Variants in WDR75 observed in about 807,000 individuals in gnomAD.
WDR75 encodes the protein WD repeat domain 75.
A neutral mutation model predicts 106.1 loss-of-function variants in WDR75; 52 were observed. That is an observed-to-expected ratio of 0.49 (90% CI 0.39 to 0.62). WDR75 has a LOEUF of 0.62. WDR75 is among the 20% of genes least tolerant of loss of function. The pLI is 0.00. For synonymous variants in WDR75, 333 were observed against 335.5 expected, an observed-to-expected ratio of 0.99 and a Z score of 0.08; for missense variants, 905 against 970.3, an observed-to-expected ratio of 0.93 and a Z score of 0.89.
intron 19 of WDR75, 82 bp from the exon 20 acceptor site, chr2:189,474,635 G>A: frequency 8.3e-7 from 1 of 1,202,086 alleles, no homozygotes; most frequent in Non-Finnish European, 1.2e-6. Flanking sequence ...CAATAAAAGG[G>A]ACTCCGTGAG....
At position 189,458,851 on chromosome 2, in the gene WDR75, T is replaced by C. The variant is rs368856476; in HGVS notation, c.668T>C (p.Met223Thr). The C allele has an allele frequency of 1.7e-5, 28 of 1,603,036 alleles. 1 individual carries two copies. In the African/African-American group the frequency reaches 3.2e-4, roughly 18 times the overall value. The stretch of plus-strand genomic sequence containing the variant: ...GAAGACTGCATCGCATCTGGTCACA[T>C]GGATGGCAAAATTCGTCTTTGGTCA... ...PTEDCIASGH[M>T]DGKIRLWRNF... The change falls in exon 7 of 21, where the codon ATG (methionine) becomes ACG (threonine). Residue 223 changes from methionine to threonine, a missense_variant. Transcript: ENST00000314761.
At chr2:189,467,408 T>C in intron 13 of WDR75, 60 bp from the exon 14 acceptor site, 1 of 1,500,016 alleles carries the variant, frequency 6.7e-7, no homozygotes, top group Admixed American at 2.2e-5. Context: ...TAGGGGGAAC[T>C]ACTGTAGCAT....
rs138326900 is a variant in WDR75, at chr2:189,475,223, A to G, written c.2299A>G (p.Ile767Val). ...CTGTTATTGTTAAAGTGCTAAGGAA[A>G]TTCCTGAAGATGTAGATATGGAAGA... is the stretch of plus-strand genomic sequence containing the variant. ...LSKETKSAKE[I>V]PEDVDMEEEK... Residue 767 changes from isoleucine to valine, a missense_variant, in exon 21 of 21, where the codon ATT becomes GTT. Ile to Val is a conservative substitution (Grantham distance 29, BLOSUM62 3). Transcript: ENST00000314761. The G allele has an allele frequency of 7.0e-5, 112 of 1,607,376 alleles. No homozygotes were observed. The African/African-American group carries it at 1.4e-3, about 21-fold the overall frequency.
rs553359865 is a variant in WDR75, at chr2:189,474,866, T to G, written c.2288+58T>G. ...CTCTTTTGGGAAACAGGATCGTTTG[T>G]GTTTATCCTTTTTTAGAGTATTCTT... On this transcript the variant is annotated intron_variant, in intron 20 of 20. Transcript: ENST00000314761. 40 of 1,379,084 alleles carry G rather than the reference T, an allele frequency of 2.9e-5. No homozygotes were observed. In the African/African-American group the frequency reaches 5.7e-4, roughly 20 times the overall value. 85.4% of individuals were successfully genotyped at this position (1,379,084 alleles called of 1,614,324 possible). A position where few individuals can be genotyped will look rare whatever the true frequency, so the allele number is the denominator to read the frequency against.
intron 12 of WDR75, 47 bp from the exon 13 acceptor site, chr2:189,466,378 C>T (rs757260312): frequency 1.9e-6 from 3 of 1,592,066 alleles, no homozygotes. Context: ...TTATATACAT[C>T]ACTTTGTCCT....
chr2:189,444,599 C>T (rs1214829145), intron 1 of WDR75, among the ~76,000 whole-genome samples: 2 of 152,200 alleles, frequency 1.3e-5, no homozygotes, highest in Non-Finnish European at 2.9e-5. Flanking sequence ...GTATTTTTCC[C>T]TTACAGATCA....
At chr2:189,459,486 A>G in intron 8 of WDR75, 62 bp downstream of exon 8, 1 of 1,456,830 alleles carries the variant, frequency 6.9e-7, no homozygotes, top group Non-Finnish European at 9.5e-7. Context: ...GTTTTAATTC[A>G]CTGTATTTTT....
chr2:189,473,855 T>TA (rs1367806339), intron 18 of WDR75, among the ~76,000 whole-genome samples: 7 of 152,224 alleles, frequency 4.6e-5, no homozygotes, highest in African/African-American at 1.7e-4. Context: ...TCCAACATGT[T>TA]ACTGTTAAGG....
chr2:189,453,187 G>T (rs1009840664), intron 4 of WDR75, among the ~76,000 whole-genome samples: 3 of 152,160 alleles, frequency 2.0e-5, no homozygotes, highest in African/African-American at 7.2e-5. Flanking sequence ...CACTCTTTTT[G>T]ATATTTAAGT....
In WDR75 at chr2:189,470,078, T is replaced by C; in HGVS notation, c.1822T>C (p.Phe608Leu). 1 of 1,610,044 alleles carries C rather than the reference T, an allele frequency of 6.2e-7. No homozygotes were observed. Among genetic ancestry groups the C allele is most frequent in the Non-Finnish European group, 8.5e-7 (1 of 1,178,414 alleles). ...GTTTCTTTGTTTTTTCCCTCTAGTG[T>C]TTGTATTTAAACCTAGTGAGCCAAG... is the stretch of plus-strand genomic sequence containing the variant. ...ISQSSVGSDL[F>L]VFKPSEPRPL... is the part of the protein sequence containing the mutation. The change falls in exon 17 of 21, where the codon TTT becomes CTT. Residue 608 changes from phenylalanine (F) to leucine (L), a missense_variant and splice_region_variant. Coordinates refer to ENST00000314761, the MANE Select transcript of WDR75 (RefSeq NM_032168.3).
At chr2:189,458,456 GC>G (rs1235131799) in intron 6 of WDR75, among the ~76,000 whole-genome samples, 4 of 149,776 alleles carry the variant, frequency 2.7e-5, no homozygotes, top group African/African-American at 7.5e-5. Context: ...CTTTGACCAG[GC>G]CAAAAAAAAA....
At chr2:189,446,601 T>G (rs913828347) in intron 1 of WDR75, among the ~76,000 whole-genome samples, 1 of 152,182 alleles carries the variant, frequency 6.6e-6, no homozygotes, top group East Asian at 1.9e-4. Context: ...CTTGAACTAA[T>G]AAAATAGGAT....
intron 18 of WDR75, among the ~76,000 whole-genome samples, 200 bp from the exon 19 acceptor site, chr2:189,473,986 G>A (rs1232575278): frequency 6.6e-6 from 1 of 152,168 alleles, no homozygotes; most frequent in African/African-American, 2.4e-5. Flanking sequence ...TCATCTAAGT[G>A]TTCACTGTTA....
At chr2:189,466,643 C>T in intron 13 of WDR75, 61 bp downstream of exon 13, 1 of 1,516,412 alleles carries the variant, frequency 6.6e-7, no homozygotes, top group Non-Finnish European at 8.9e-7. Context: ...ATTTCTTTTT[C>T]TCATGACTTG....
intron 2 of WDR75, chr2:189,450,149 C>T: frequency 7.3e-6 from 7 of 962,952 alleles, no homozygotes; most frequent in Non-Finnish European, 8.6e-6. Context: ...AGCATCCAAG[C>T]ATATTATAAT....
At chr2:189,464,226 A>G in intron 11 of WDR75, 1 of 396,162 alleles carries the variant, frequency 2.5e-6, no homozygotes, top group Non-Finnish European at 4.5e-6. Context: ...GCTATCCCAT[A>G]CATCTGTGCT....
At chr2:189,472,440 A>G (rs1687136322) in intron 18 of WDR75, among the ~76,000 whole-genome samples, 1 of 152,184 alleles carries the variant, frequency 6.6e-6, no homozygotes, top group Non-Finnish European at 1.5e-5. Context: ...CCTATTATTT[A>G]GTGCTGGACT....
chr2:189,441,582 T>G lies in WDR75; in HGVS notation c.86+4T>G. On this transcript the variant is annotated splice_donor_region_variant and intron_variant, in intron 1 of 20. Coordinates refer to ENST00000314761, the MANE Select transcript of WDR75 (RefSeq NM_032168.3). ...CTGTGTTCTCTGCAGATTCTAAGTA[T>G]GAGGGGCACCGCGCTTTGTCGGCTG... The G allele has an allele frequency of 6.4e-7, 1 of 1,555,336 alleles. No individual in the cohort carries two copies. The highest frequency in any genetic ancestry group is 1.4e-5 in the African/African-American group (1 of 73,412).
chr2:189,449,961 T>G (rs537423163), intron 2 of WDR75: 1 of 985,214 alleles, frequency 1.0e-6, no homozygotes, highest in East Asian at 1.1e-4. Flanking sequence ...CAACAAAATC[T>G]AGCAGAAACT....
Sources: allele counts gnomAD v4.1 joint callset (sites outside exome capture counted in the v4.1 genomes callset), GRCh38; gene constraint gnomAD v4.1.1; transcripts MANE v1.5; gene names NCBI Gene and HGNC (gene_info 2026-07-23, HGNC 2026-07-21).